Variants in NPHS2 observed in about 807,000 individuals in gnomAD.
NPHS2 encodes NPHS2 stomatin family member, podocin, also known as podocin.
Under a neutral mutation model 37.1 loss-of-function variants are expected in NPHS2, and 36 were observed. That is an observed-to-expected ratio of 0.97 (90% CI 0.74 to 1.28). The LOEUF (loss-of-function observed/expected upper bound fraction) is 1.28, where lower values mean the gene tolerates loss of function less well. NPHS2 is among the 50% of genes most tolerant of loss of function. The pLI is 0.00. For missense variants in NPHS2, 447 were observed against 488.1 expected (o/e 0.92, Z 0.79); for synonymous variants, 196 against 189.3 (o/e 1.04, Z -0.29).
At chr1:179,570,693 A>G (rs61826395) in intron 1 of NPHS2, among the ~76,000 whole-genome samples, 2 of 152,248 alleles carry the variant, frequency 1.3e-5, no homozygotes, top group African/African-American at 4.8e-5. Context: ...GCCTGCTCCC[A>G]ACACCAATCC....
rs182880628 is a variant in NPHS2 at position 179,565,756 on chromosome 1, G to A, written c.275-963C>T. On this transcript the variant is annotated intron_variant, in intron 1 of 7. Coordinates refer to ENST00000367615, the MANE Select transcript of NPHS2 (RefSeq NM_014625.4). ...CCCCCGACAGGCCCCAGTGTGTGATGTTCACCGCCCTGTGTCCAAGTGATC... is the reference window on the plus strand; with the variant it reads ...CCCCCGACAGGCCCCAGTGTGTGATATTCACCGCCCTGTGTCCAAGTGATC... 4.8e-5 allele frequency among the ~76,000 whole-genome samples: 7 copies of A among 144,534 alleles called. No homozygotes were observed. The East Asian group carries it at 1.4e-3, about 30-fold the overall frequency. The allele number at this position is 144,534 out of a possible 152,430, so 94.8% of individuals were successfully genotyped here.
At chr1:179,554,386 G>A in intron 6 of NPHS2, 90 bp downstream of exon 6, 2 of 1,522,012 alleles carry the variant, frequency 1.3e-6, no homozygotes, top group Non-Finnish European at 1.8e-6. Context: ...ATAGTACTCA[G>A]TGAAAATAAT....
intron 1 of NPHS2, among the ~76,000 whole-genome samples, chr1:179,567,577 G>T (rs539401301): frequency 6.6e-6 from 1 of 152,170 alleles, no homozygotes; most frequent in South Asian, 2.1e-4. Context: ...TTGCCTGATT[G>T]CCCTGGCCAG....
chr1:179,557,371 A>G (rs916960555), intron 4 of NPHS2, 141 bp from the exon 5 acceptor site: 5 of 691,770 alleles, frequency 7.2e-6, no homozygotes, highest in Admixed American at 6.9e-5. Flanking sequence ...TAAAATAGAC[A>G]TGTTTTTGAA....
intron 6 of NPHS2, 75 bp from the exon 7 acceptor site, chr1:179,552,756 A>G (rs1673503309): frequency 7.0e-6 from 8 of 1,147,288 alleles, no homozygotes; most frequent in Non-Finnish European, 7.8e-6. Context: ...CAGACTTGCA[A>G]GCCTCTCTAC....
chr1:179,575,220 A>T (rs546678071), intron 1 of NPHS2, among the ~76,000 whole-genome samples: 2 of 152,274 alleles, frequency 1.3e-5, no homozygotes, highest in Admixed American at 6.5e-5. Flanking sequence ...CCTACAGCCT[A>T]CAGCCACCAG....
Position 179,575,796 on chromosome 1 carries a change from C to T in NPHS2, c.69G>A (p.Glu23=), listed in dbSNP as rs2101887694. 1 of 1,492,250 alleles carries T rather than the reference C, an allele frequency of 6.7e-7. No individual in the cohort carries two copies. Among genetic ancestry groups the T allele is most frequent in the East Asian group, 2.7e-5 (1 of 37,672 alleles). The allele number at this position is 1,492,250 out of a possible 1,614,324, so 92.4% of individuals were successfully genotyped here. The change falls in exon 1 of 8, where the codon GAG becomes GAA. Residue 23 remains glutamate, a synonymous_variant. Coordinates refer to ENST00000367615, the MANE Select transcript of NPHS2 (RefSeq NM_014625.4). ...TCCTCTCGGCCTTTGCCCTCTTGTT[C>T]TCCTTGTGCGGAGTCCTGCCGCCTC... The part of the protein sequence containing the change: ...RGRGGRTPHK[E]NKRAKAERSG...
chr1:179,562,464 TA>T (rs1378108963), intron 2 of NPHS2, among the ~76,000 whole-genome samples: 1 of 152,202 alleles, frequency 6.6e-6, no homozygotes, highest in African/African-American at 2.4e-5. Flanking sequence ...ATTTACTGAA[TA>T]AATGAAAGAA....
At position 179,555,900 on chromosome 1, in the gene NPHS2, C is replaced by T. The variant is rs79381501; in HGVS notation, c.738+1127G>A. Among the ~76,000 whole-genome samples, 752 of 152,254 alleles carry T rather than the reference C, an allele frequency of 4.9e-3. 6 individuals are homozygous for T. The highest frequency in any genetic ancestry group is 0.017 in the African/African-American group (726 of 41,568). ...AGAGATGGATAAAACATAGCCCCTG[C>T]TGCTATGGAGGTTGTAGTCTGGGAA... On this transcript the variant is annotated intron_variant, in intron 5 of 7. Transcript: ENST00000367615.
rs773220165 is a variant in NPHS2 at position 179,550,626 on chromosome 1, G to A, written c.*547C>T. On this transcript the variant is annotated 3_prime_UTR_variant, in exon 8 of 8. Transcript: ENST00000367615. ...TTTGCATTCACTCTGAAACATTTAA[G>A]TGTCACTTTAGGTAACTATCAGGGT... 6 of 155,834 alleles carry A rather than the reference G, an allele frequency of 3.9e-5. No individual in the cohort carries two copies. The highest frequency in any genetic ancestry group is 7.1e-5 in the Non-Finnish European group (5 of 70,078). The allele number at this position is 155,834 out of a possible 1,614,324, so 9.7% of individuals were successfully genotyped here.
chr1:179,565,144 C>A (rs1227266246), intron 1 of NPHS2, among the ~76,000 whole-genome samples: 1 of 152,000 alleles, frequency 6.6e-6, no homozygotes, highest in East Asian at 1.9e-4. Context: ...TATGGTGGTG[C>A]GTGCCTGTAG....
intron 6 of NPHS2, among the ~76,000 whole-genome samples, chr1:179,553,756 T>C (rs1349718819): frequency 6.6e-6 from 1 of 152,144 alleles, no homozygotes; most frequent in Non-Finnish European, 1.5e-5. Context: ...TTTCTTTTTT[T>C]CTTTCTTTGA....
chr1:179,569,588 T>C (rs890814265), intron 1 of NPHS2, among the ~76,000 whole-genome samples: 1 of 152,204 alleles, frequency 6.6e-6, no homozygotes, highest in African/African-American at 2.4e-5. Flanking sequence ...GTCATTATGA[T>C]GTTTGCTGGT....
intron 1 of NPHS2, among the ~76,000 whole-genome samples, chr1:179,571,571 G>C (rs745436735): frequency 1.3e-5 from 2 of 152,216 alleles, no homozygotes; most frequent in African/African-American, 4.8e-5. Context: ...GAGCTCAAAC[G>C]CTGTGCTGGG....
chr1:179,564,404 C>CGA (rs1558348753), intron 2 of NPHS2, among the ~76,000 whole-genome samples: 1 of 152,066 alleles, frequency 6.6e-6, no homozygotes, highest in East Asian at 1.9e-4. Flanking sequence ...TGCAGATGAA[C>CGA]GAGACATAGC....
intron 1 of NPHS2, among the ~76,000 whole-genome samples, chr1:179,575,065 G>A (rs1209467737): frequency 6.6e-6 from 1 of 152,186 alleles, no homozygotes; most frequent in Admixed American, 6.5e-5. Flanking sequence ...GCTAGCAAGT[G>A]GTTGAGCTGT....
At chr1:179,558,047 TC>T (rs1295440491) in intron 4 of NPHS2, among the ~76,000 whole-genome samples, 2 of 152,190 alleles carry the variant, frequency 1.3e-5, no homozygotes, top group African/African-American at 4.8e-5. Flanking sequence ...GAGTTTTTTT[TC>T]CCCAATTTTG....
intron 2 of NPHS2, among the ~76,000 whole-genome samples, chr1:179,563,227 A>G (rs1230636745): frequency 6.6e-6 from 1 of 152,258 alleles, no homozygotes; most frequent in Non-Finnish European, 1.5e-5. Context: ...TACTAGCAAT[A>G]AAGTGGGACA....
rs745638129 is a variant in NPHS2 at position 179,551,204 on chromosome 1, T to G, written c.1121A>C (p.Asn374Thr). Residue 374 changes from asparagine (N) to threonine (T), a missense_variant, in exon 8 of 8, where the codon AAT (asparagine) becomes ACT (threonine). By Grantham distance (65) the Asn-to-Thr change is moderately conservative (BLOSUM62 0). Coordinates refer to ENST00000367615, the MANE Select transcript of NPHS2 (RefSeq NM_014625.4). The part of the protein sequence containing the change: ...PSPSKPVEPL[N>T]PKKKDSPML ...CATGGGAGAGTCTTTCTTTTTAGGA[T>G]TTAGTGGCTCAACAGGTTTGGAAGG... is the stretch of plus-strand genomic sequence containing the variant. The G allele has an allele frequency of 1.2e-6, 2 of 1,614,038 alleles. No homozygotes were observed. The highest frequency in any genetic ancestry group is 8.5e-7 in the Non-Finnish European group (1 of 1,179,992).
Sources: gnomAD v4.1 joint callset for allele counts (sites outside exome capture counted in the v4.1 genomes callset) on GRCh38, gnomAD v4.1.1 for gene constraint, MANE v1.5 for transcripts, NCBI Gene and HGNC (gene_info 2026-07-23, HGNC 2026-07-21) for gene names.